The following DIP2C variants were observed in gnomAD, a reference collection of about 807,000 sequenced individuals.
The protein encoded by DIP2C is DIP2 acetate--CoA ligase C (putative).
A neutral mutation model predicts 192.4 loss-of-function variants in DIP2C; 33 were observed. That is an observed-to-expected ratio of 0.17 (90% CI 0.13 to 0.23). DIP2C has a LOEUF of 0.23. Among genes scored for constraint, DIP2C ranks in the 10% least tolerant of loss-of-function variants. DIP2C has a pLI of 1.00. For synonymous variants in DIP2C, 979 were observed against 864.1 expected (o/e 1.13, Z -2.33); for missense variants, 1,537 against 2,110.1 (o/e 0.73, Z 5.32).
At chr10:327,199 C>T (rs201365606) in intron 30 of DIP2C, 23 bp from the exon 31 acceptor site, 87 of 1,607,636 alleles carry the variant, frequency 5.4e-5, no homozygotes, top group Non-Finnish European at 6.5e-5. Flanking sequence ...ACAGAGAAAC[C>T]GAGTCAGCCC....
chr10:319,067 T>C (rs1956894323), intron 31 of DIP2C, among the ~76,000 whole-genome samples: 1 of 151,964 alleles, frequency 6.6e-6, no homozygotes, highest in African/African-American at 2.4e-5. Flanking sequence ...TGCGTGCCAA[T>C]GAACCGGGCT....
In DIP2C at chr10:491,346, G is replaced by A. The variant is rs139416129; in HGVS notation, c.86-4816C>T. ...TAATAGTTTATATAACAAAGCAATC[G>A]TTTCCATGTTGGGAATTCTACGGCT... On this transcript the variant is annotated intron_variant, in intron 1 of 36. Transcript: ENST00000280886. Among the ~76,000 whole-genome samples the A allele has an allele frequency of 9.7e-3, 1,474 of 152,356 alleles. 12 individuals are homozygous for A. Among genetic ancestry groups the A allele is most frequent in the Non-Finnish European group, 0.016 (1,102 of 68,026 alleles).
intron 11 of DIP2C, 92 bp from the exon 12 acceptor site, chr10:390,465 G>T: frequency 7.9e-7 from 1 of 1,262,350 alleles, no homozygotes; most frequent in Non-Finnish European, 1.2e-6. Flanking sequence ...TTTCAAACAC[G>T]TCAACTAGAT....
chr10:348,470 C>T (rs1958628293), intron 26 of DIP2C, among the ~76,000 whole-genome samples, 171 bp downstream of exon 26: 1 of 152,160 alleles, frequency 6.6e-6, no homozygotes, highest in African/African-American at 2.4e-5. Flanking sequence ...CGCTTCTAGA[C>T]CTAGACTCTA....
At chr10:593,704 G>A (rs1047376043) in intron 1 of DIP2C, among the ~76,000 whole-genome samples, 31 of 152,164 alleles carry the variant, frequency 2.0e-4, no homozygotes, top group African/African-American at 6.3e-4. Context: ...GGCACCACCT[G>A]AACACAGCAA....
At chr10:599,828 C>G (rs1278199697) in intron 1 of DIP2C, among the ~76,000 whole-genome samples, 1 of 152,226 alleles carries the variant, frequency 6.6e-6, no homozygotes, top group Non-Finnish European at 1.5e-5. Context: ...CATGAACAGA[C>G]TTTCCTCCAT....
At chr10:614,623 G>C (rs1398453299) in intron 1 of DIP2C, among the ~76,000 whole-genome samples, 1 of 152,264 alleles carries the variant, frequency 6.6e-6, no homozygotes, top group Non-Finnish European at 1.5e-5. Context: ...ACCTACAGCT[G>C]CTGAGCCCCG....
chr10:371,249 G>T (rs546379048), intron 17 of DIP2C, among the ~76,000 whole-genome samples: 25 of 152,232 alleles, frequency 1.6e-4, no homozygotes, highest in African/African-American at 6.0e-4. Context: ...GTGGAAGTCA[G>T]GCACTGTGAG....
At chr10:362,866 G>A (rs1025463545) in intron 21 of DIP2C, among the ~76,000 whole-genome samples, 175 bp from the exon 22 acceptor site, 1 of 152,024 alleles carries the variant, frequency 6.6e-6, no homozygotes, top group Non-Finnish European at 1.5e-5. Context: ...CACCAAAGCT[G>A]AATAATGTTA....
At chr10:356,529 G>T in intron 23 of DIP2C, 23 bp from the exon 24 acceptor site, 2 of 1,594,240 alleles carry the variant, frequency 1.3e-6, no homozygotes, top group Non-Finnish European at 8.6e-7. Context: ...ACGGGCATGA[G>T]GATCAGGCTG....
intron 1 of DIP2C, among the ~76,000 whole-genome samples, chr10:524,061 C>T (rs923104293): frequency 1.6e-4 from 24 of 152,050 alleles, no homozygotes; most frequent in African/African-American, 5.5e-4. Flanking sequence ...TTCCACCTCC[C>T]GCCCTCAGTT....
chr10:333,737 G>T (rs1031611818), intron 29 of DIP2C, among the ~76,000 whole-genome samples: 22 of 152,210 alleles, frequency 1.4e-4, no homozygotes, highest in African/African-American at 5.1e-4. Context: ...CAATGTATGA[G>T]AATTCGTTTT....
intron 1 of DIP2C, among the ~76,000 whole-genome samples, chr10:624,311 T>C (rs1272252256): frequency 6.6e-6 from 1 of 152,108 alleles, no homozygotes; most frequent in East Asian, 1.9e-4. Context: ...CCTCGGTGGC[T>C]GCAGATGGGG....
intron 3 of DIP2C, among the ~76,000 whole-genome samples, chr10:449,962 G>A (rs1290773808): frequency 1.3e-5 from 2 of 150,442 alleles, no homozygotes; most frequent in Non-Finnish European, 3.0e-5. Flanking sequence ...AGATATCATT[G>A]TGAGATTGTT....
intron 1 of DIP2C, among the ~76,000 whole-genome samples, chr10:535,564 T>C (rs527352173): frequency 1.3e-5 from 2 of 152,214 alleles, no homozygotes; most frequent in East Asian, 3.9e-4. Flanking sequence ...GGTTCCCATT[T>C]ACACTCTGCA....
chr10:365,520 G>A (rs1430712760), intron 19 of DIP2C, among the ~76,000 whole-genome samples: 1 of 152,242 alleles, frequency 6.6e-6, no homozygotes, highest in Non-Finnish European at 1.5e-5. Flanking sequence ...CTGAGTGACA[G>A]AGCAAGACCC....
chr10:590,801 C>T (rs1174801512), intron 1 of DIP2C, among the ~76,000 whole-genome samples: 1 of 152,194 alleles, frequency 6.6e-6, no homozygotes, highest in African/African-American at 2.4e-5. Flanking sequence ...TTCTGATGAC[C>T]TAGGCAGGTC....
chr10:485,396 C>T (rs1174336492), intron 2 of DIP2C, among the ~76,000 whole-genome samples: 1 of 152,230 alleles, frequency 6.6e-6, no homozygotes, highest in African/African-American at 2.4e-5. Flanking sequence ...AGCATTCCAG[C>T]CCAGCCCTCT....
At chr10:640,126 T>C (rs1253936539) in intron 1 of DIP2C, among the ~76,000 whole-genome samples, 1 of 152,192 alleles carries the variant, frequency 6.6e-6, no homozygotes, top group Non-Finnish European at 1.5e-5. Flanking sequence ...TGTGGGCCTG[T>C]GCCTGTCCCT....
Sources: allele counts gnomAD v4.1 joint callset (sites outside exome capture counted in the v4.1 genomes callset), GRCh38; gene constraint gnomAD v4.1.1; transcripts MANE v1.5; gene names NCBI Gene and HGNC (gene_info 2026-07-23, HGNC 2026-07-21).